The following KIAA1217 variants were observed in gnomAD, a reference collection of about 807,000 sequenced individuals.
KIAA1217 encodes KIAA1217, also known as sickle tail protein homolog.
KIAA1217 carries 88 observed loss-of-function variants against 163.9 expected under a neutral mutation model. The ratio of observed to expected loss-of-function variants is 0.54; its 90% CI spans 0.45 to 0.64. The LOEUF (loss-of-function observed/expected upper bound fraction) is 0.64, where lower values mean the gene tolerates loss of function less well. Ranked by LOEUF, KIAA1217 falls within the 30% of genes least tolerant of loss-of-function variation. The pLI, the probability that KIAA1217 is intolerant of heterozygous loss-of-function variation, is 0.00. For synonymous variants in KIAA1217, 903 were observed against 923.1 expected, an observed-to-expected ratio of 0.98 and a Z score of 0.39; for missense variants, 2,372 against 2,475.0, an observed-to-expected ratio of 0.96 and a Z score of 0.88.
At chr10:24,085,304 G>A (rs1382514035) in intron 2 of KIAA1217, among the ~76,000 whole-genome samples, 2 of 151,914 alleles carry the variant, frequency 1.3e-5, no homozygotes, top group African/African-American at 4.9e-5. Context: ...CATTTGAGGG[G>A]TTTAAGGGAG....
intron 1 of KIAA1217, among the ~76,000 whole-genome samples, chr10:23,706,190 T>C (rs1836872850): frequency 6.6e-6 from 1 of 152,202 alleles, no homozygotes; most frequent in Non-Finnish European, 1.5e-5. Flanking sequence ...TGCATGATCA[T>C]GTCATCTGTG....
chr10:24,497,320 C>G (rs1433227818), intron 8 of KIAA1217, among the ~76,000 whole-genome samples: 1 of 152,108 alleles, frequency 6.6e-6, no homozygotes, highest in Admixed American at 6.5e-5. Flanking sequence ...TTATACTGAG[C>G]ATTAGATCAT....
chr10:23,992,074 T>G (rs1397140246), intron 1 of KIAA1217, among the ~76,000 whole-genome samples: 1 of 152,172 alleles, frequency 6.6e-6, no homozygotes, highest in Non-Finnish European at 1.5e-5. Context: ...TCTCTTCTGG[T>G]AAAATTACTT....
intron 1 of KIAA1217, among the ~76,000 whole-genome samples, chr10:23,901,913 C>CAA (rs71397922): frequency 0.073 from 7,239 of 98,500 alleles, 737 homozygotes; most frequent in African/African-American, 0.24. Context: ...GACTCTATCT[C>CAA]AAAAAAAAAA....
intron 2 of KIAA1217, among the ~76,000 whole-genome samples, chr10:24,029,599 G>A (rs1848108668): frequency 6.6e-6 from 1 of 152,090 alleles, no homozygotes; most frequent in Admixed American, 6.6e-5. Context: ...AGCCAACTGG[G>A]GGAAATTTCT....
At chr10:24,372,521 G>A (rs558080087) in intron 2 of KIAA1217, among the ~76,000 whole-genome samples, 28 of 152,224 alleles carry the variant, frequency 1.8e-4, no homozygotes, top group Admixed American at 7.8e-4. Flanking sequence ...TAATCTATGG[G>A]ACTGTTGGGT....
At chr10:24,225,372 C>T (rs944383799) in intron 2 of KIAA1217, among the ~76,000 whole-genome samples, 3 of 152,188 alleles carry the variant, frequency 2.0e-5, no homozygotes, top group Non-Finnish European at 2.9e-5. Flanking sequence ...GATCCTCTCG[C>T]TTTGACCTCC....
chr10:24,141,625 T>G (rs2064086388), intron 2 of KIAA1217, among the ~76,000 whole-genome samples: 2 of 152,098 alleles, frequency 1.3e-5, no homozygotes. Context: ...AACTGAACTA[T>G]GAGAATGGCC....
intron 5 of KIAA1217, among the ~76,000 whole-genome samples, chr10:24,462,968 G>T (rs189771784): frequency 2.0e-4 from 30 of 152,138 alleles, no homozygotes; most frequent in Non-Finnish European, 3.7e-4. Context: ...AAAGAACAAG[G>T]TTCGTCCAGG....
chr10:23,921,966 C>A (rs1420273308), intron 1 of KIAA1217, among the ~76,000 whole-genome samples: 2 of 152,026 alleles, frequency 1.3e-5, no homozygotes, highest in Non-Finnish European at 2.9e-5. Flanking sequence ...GTGGCTGGGG[C>A]TCCTAGATAG....
At chr10:24,246,981 C>A (rs1245192501) in intron 2 of KIAA1217, among the ~76,000 whole-genome samples, 1 of 151,712 alleles carries the variant, frequency 6.6e-6, no homozygotes, top group Non-Finnish European at 1.5e-5. Context: ...CCACTGCACT[C>A]CAGCCTAGGT....
intron 2 of KIAA1217, among the ~76,000 whole-genome samples, chr10:24,122,865 C>T (rs1253814279): frequency 6.6e-6 from 1 of 151,498 alleles, no homozygotes; most frequent in Non-Finnish European, 1.5e-5. Context: ...GATTTCATTG[C>T]TCTTTTGACT....
intron 2 of KIAA1217, among the ~76,000 whole-genome samples, chr10:24,261,269 A>G (rs2131717531): frequency 6.6e-6 from 1 of 152,208 alleles, no homozygotes; most frequent in South Asian, 2.1e-4. Flanking sequence ...AGGCTGAGGC[A>G]GGTGGATTAC....
intron 1 of KIAA1217, among the ~76,000 whole-genome samples, chr10:23,814,920 A>G (rs1461586503): frequency 1.3e-5 from 2 of 152,186 alleles, no homozygotes; most frequent in African/African-American, 4.8e-5. Context: ...TGAAGGCTGC[A>G]AAAAGGTATC....
chr10:24,031,147 A>G (rs2131537175), intron 2 of KIAA1217, among the ~76,000 whole-genome samples: 1 of 152,240 alleles, frequency 6.6e-6, no homozygotes, highest in Non-Finnish European at 1.5e-5. Flanking sequence ...TCCCACCCAC[A>G]GTGCACAAGG....
intron 1 of KIAA1217, among the ~76,000 whole-genome samples, chr10:23,844,724 GT>G (rs891492979): frequency 6.8e-6 from 1 of 147,096 alleles, no homozygotes; most frequent in African/African-American, 2.5e-5. Flanking sequence ...TTTTTAATTT[GT>G]GGCTCAACGT....
At chr10:23,722,232 G>A (rs1358556530) in intron 1 of KIAA1217, among the ~76,000 whole-genome samples, 3 of 152,142 alleles carry the variant, frequency 2.0e-5, no homozygotes, top group African/African-American at 4.8e-5. Context: ...TGTGTATAAT[G>A]AGTCTCAGTT....
intron 5 of KIAA1217, among the ~76,000 whole-genome samples, chr10:24,452,453 C>T (rs2061447729): frequency 6.6e-6 from 1 of 150,700 alleles, no homozygotes; most frequent in Middle Eastern, 3.5e-3. Context: ...GCGGGCGGAT[C>T]ATGAGGTCAG....
At chr10:24,080,814 G>T (rs998670421) in intron 2 of KIAA1217, among the ~76,000 whole-genome samples, 1 of 144,572 alleles carries the variant, frequency 6.9e-6, no homozygotes, top group Non-Finnish European at 1.5e-5. Flanking sequence ...TAATAGTTTA[G>T]TAAGTGTTTT....
Sources: allele counts gnomAD v4.1 joint callset (sites outside exome capture counted in the v4.1 genomes callset), GRCh38; gene constraint gnomAD v4.1.1; transcripts MANE v1.5; gene names NCBI Gene and HGNC (gene_info 2026-07-23, HGNC 2026-07-21).